SPARC: variants seen among roughly 807,000 people sequenced by gnomAD.
SPARC encodes the protein basement-membrane protein 40.
SPARC carries 23 observed loss-of-function variants against 37.7 expected under a neutral mutation model. That is an observed-to-expected ratio of 0.61 (90% confidence interval 0.44 to 0.87). SPARC has a LOEUF of 0.87. SPARC is among the 40% of genes least tolerant of loss of function. The pLI is 0.00. For missense variants in SPARC, 312 were observed against 389.0 expected (o/e 0.80, Z 1.66); for synonymous variants, 155 against 150.8 (o/e 1.03, Z -0.20).
intron 1 of SPARC, among the ~76,000 whole-genome samples, chr5:151,683,279 A>C (rs964584394): frequency 6.6e-6 from 1 of 152,260 alleles, no homozygotes; most frequent in African/African-American, 2.4e-5. Context: ...GCCTAATGAC[A>C]AAGCCACGTG....
At chr5:151,678,875 G>A (rs1225380160) in intron 1 of SPARC, among the ~76,000 whole-genome samples, 1 of 152,046 alleles carries the variant, frequency 6.6e-6, no homozygotes, top group African/African-American at 2.4e-5. Context: ...CCCAGATGAT[G>A]AGATGGGAGG....
At chr5:151,667,640 C>T (rs1760657519) in intron 6 of SPARC, 40 bp from the exon 7 acceptor site, 1 of 1,604,964 alleles carries the variant, frequency 6.2e-7, no homozygotes, top group Non-Finnish European at 8.5e-7. Flanking sequence ...CAGACCCTGC[C>T]TGGGCCGTGC....
rs969100687 is a variant in SPARC, at chr5:151,676,037, C to T, written c.57+95G>A. ...ACCACTAACTTGAAATGGGGAAGTC[C>T]CTGTTCCCTTTCAGCATCCAGGGCT... On this transcript the variant is annotated intron_variant, in intron 2 of 9. Coordinates refer to ENST00000231061, the MANE Select transcript of SPARC (RefSeq NM_003118.4). 68 of 1,005,318 alleles carry T rather than the reference C, an allele frequency of 6.8e-5. No individual in the cohort carries two copies. In the African/African-American group the frequency reaches 8.7e-4, roughly 13 times the overall value. 62.3% of individuals were successfully genotyped at this position (1,005,318 alleles called of 1,614,324 possible).
At chr5:151,664,463 G>C (rs1181912614) in intron 8 of SPARC, among the ~76,000 whole-genome samples, 1 of 152,254 alleles carries the variant, frequency 6.6e-6, no homozygotes, top group Non-Finnish European at 1.5e-5. Flanking sequence ...CCAGCAAAGA[G>C]GAGGAGATGG....
intron 3 of SPARC, 112 bp downstream of exon 3, chr5:151,674,500 A>C (rs1760814464): frequency 1.1e-6 from 1 of 912,548 alleles, no homozygotes; most frequent in Admixed American, 1.8e-5. Context: ...ATGTGTGTAC[A>C]GGGAGACGAA....
At chr5:151,669,187 G>A (rs2113092021) in intron 6 of SPARC, among the ~76,000 whole-genome samples, 1 of 152,324 alleles carries the variant, frequency 6.6e-6, no homozygotes, top group East Asian at 1.9e-4. Flanking sequence ...GAGTAAAAGG[G>A]TGAAGATATG....
At chr5:151,680,002 C>A (rs1760948281) in intron 1 of SPARC, among the ~76,000 whole-genome samples, 1 of 152,164 alleles carries the variant, frequency 6.6e-6, no homozygotes, top group African/African-American at 2.4e-5. Context: ...CATTCTATAT[C>A]TACGTGGTCC....
At position 151,663,261 on chromosome 5, in the gene SPARC, T is replaced by C; in HGVS notation, c.*310A>G. On this transcript the variant is annotated 3_prime_UTR_variant, in exon 10 of 10. Coordinates refer to ENST00000231061, the MANE Select transcript of SPARC (RefSeq NM_003118.4). ...AGAGAAAAGTTGAAGCTGCAATGTG[T>C]GTTTAAGGCAGAGCCCAGCAGATCC... 3.0e-6 allele frequency: 1 copy of C among 332,326 alleles called. No homozygotes were observed. The highest frequency in any genetic ancestry group is 5.9e-5 in the East Asian group (1 of 16,932). The allele number at this position is 332,326 out of a possible 1,614,324, so 20.6% of individuals were successfully genotyped here. A position where few individuals can be genotyped will look rare whatever the true frequency, so the allele number is the denominator to read the frequency against.
chr5:151,668,427 A>G (rs1393823895), intron 6 of SPARC, among the ~76,000 whole-genome samples: 1 of 152,154 alleles, frequency 6.6e-6, no homozygotes, highest in African/African-American at 2.4e-5. Flanking sequence ...TGCTGGGATT[A>G]CAGGCGTGAG....
At chr5:151,677,211 A>G (rs1395045952) in intron 1 of SPARC, among the ~76,000 whole-genome samples, 1 of 152,154 alleles carries the variant, frequency 6.6e-6, no homozygotes, top group African/African-American at 2.4e-5. Context: ...CACTAACTAA[A>G]TGGCTTTTCA....
chr5:151,668,758 T>A (rs3756631), intron 6 of SPARC, among the ~76,000 whole-genome samples: 26,291 of 152,084 alleles, frequency 0.17, 2,637 homozygotes, highest in East Asian at 0.38. Context: ...CTCTCTAGTC[T>A]TGCTGCCCAG....
At chr5:151,669,328 C>G (rs1271567858) in intron 6 of SPARC, among the ~76,000 whole-genome samples, 6 of 152,140 alleles carry the variant, frequency 3.9e-5, no homozygotes, top group African/African-American at 1.4e-4. Context: ...AGTGTTGAAG[C>G]AAGAAAGATT....
intron 1 of SPARC, among the ~76,000 whole-genome samples, chr5:151,683,405 G>A (rs558116589): frequency 6.6e-5 from 10 of 152,268 alleles, no homozygotes; most frequent in South Asian, 2.1e-4. Flanking sequence ...ATGGGGATTG[G>A]GGGGGAAGGC....
chr5:151,664,471 T>C (rs1326387060), intron 8 of SPARC, among the ~76,000 whole-genome samples: 1 of 152,194 alleles, frequency 6.6e-6, no homozygotes, highest in African/African-American at 2.4e-5. Context: ...GAGGAGGAGA[T>C]GGCCATAATT....
Position 151,662,600 on chromosome 5 carries a change from T to C in SPARC, c.*971A>G, listed in dbSNP as rs960074743. ...ACCATCCCATTAACTTTGAAGTTTC[T>C]CTTGATTAATAGAAGAAAAAAGGGG... On this transcript the variant is annotated 3_prime_UTR_variant, in exon 10 of 10. Transcript: ENST00000231061. The C allele has an allele frequency of 1.3e-5, 2 of 152,660 alleles. No homozygotes were observed. Among genetic ancestry groups the C allele is most frequent in the African/African-American group, 2.4e-5 (1 of 41,460 alleles). 9.5% of individuals were successfully genotyped at this position (152,660 alleles called of 1,614,324 possible).
At chr5:151,665,010 C>G (rs779268758) in intron 8 of SPARC, among the ~76,000 whole-genome samples, 1 of 152,190 alleles carries the variant, frequency 6.6e-6, no homozygotes, top group Non-Finnish European at 1.5e-5. Context: ...CAGTTGTCTT[C>G]TTAACCTCTA....
chr5:151,666,020 C>T (rs1189258331), intron 8 of SPARC, among the ~76,000 whole-genome samples: 1 of 152,188 alleles, frequency 6.6e-6, no homozygotes, highest in East Asian at 1.9e-4. Context: ...GGACAGGGGG[C>T]GTGTGGCTGA....
chr5:151,664,992 T>A (rs1395436428), intron 8 of SPARC, among the ~76,000 whole-genome samples: 1 of 152,136 alleles, frequency 6.6e-6, no homozygotes, highest in Non-Finnish European at 1.5e-5. Flanking sequence ...CAGGGAACAA[T>A]GTGACTCCAG....
chr5:151,673,194 A>T lies in SPARC; in HGVS notation c.143T>A (p.Val48Asp). The T allele has an allele frequency of 6.2e-7, 1 of 1,613,536 alleles. No individual in the cohort carries two copies. The highest frequency in any genetic ancestry group is 1.1e-5 in the South Asian group (1 of 91,078). The change falls in exon 4 of 10, where the codon GTC becomes GAC. Residue 48 changes from valine (V) to aspartate (D), a missense_variant. Coordinates refer to ENST00000231061, the MANE Select transcript of SPARC (RefSeq NM_003118.4). ...ATCAAATTCTCCTACTTCCACCTGG[A>T]CAGGATTAGCTCCCACAGATACCTG... ...VTEVSVGANP[V>D]QVEVGEFDDG...
Sources: allele counts gnomAD v4.1 joint callset (sites outside exome capture counted in the v4.1 genomes callset), GRCh38; gene constraint gnomAD v4.1.1; transcripts MANE v1.5; gene names NCBI Gene and HGNC (gene_info 2026-07-23, HGNC 2026-07-21).